SHTN1: variants seen among roughly 807,000 people sequenced by gnomAD.
The protein encoded by SHTN1 is shootin-1.
A neutral mutation model predicts 83.1 loss-of-function variants in SHTN1; 42 were observed. That is an observed-to-expected ratio of 0.51 (90% CI 0.39 to 0.65). The LOEUF (loss-of-function observed/expected upper bound fraction) is 0.65, where lower values mean the gene tolerates loss of function less well. SHTN1 is among the 30% of genes least tolerant of loss of function. The pLI, the probability that SHTN1 is intolerant of heterozygous loss-of-function variation, is 0.00. For missense variants in SHTN1, 622 were observed against 737.8 expected, an observed-to-expected ratio of 0.84 and a Z score of 1.82; for synonymous variants, 224 against 247.7, an observed-to-expected ratio of 0.90 and a Z score of 0.90.
At chr10:117,065,128 A>C (rs948897713) in intron 1 of SHTN1, among the ~76,000 whole-genome samples, 1 of 152,106 alleles carries the variant, frequency 6.6e-6, no homozygotes, top group Non-Finnish European at 1.5e-5. Context: ...GACACAGGGA[A>C]GGGAACATCA....
At chr10:117,082,798 CTTT>C (rs1394396361) in intron 1 of SHTN1, among the ~76,000 whole-genome samples, 3 of 151,886 alleles carry the variant, frequency 2.0e-5, no homozygotes, top group African/African-American at 7.2e-5. Context: ...TAATGGCCTT[CTTT>C]GTCTCTTTTG....
intron 1 of SHTN1, among the ~76,000 whole-genome samples, chr10:117,057,195 G>A (rs1026943499): frequency 6.6e-6 from 1 of 152,182 alleles, no homozygotes; most frequent in Admixed American, 6.5e-5. Flanking sequence ...GATCAACTCT[G>A]GAGTCTATTG....
chr10:117,115,520 T>C (rs935218401), intron 1 of SHTN1, among the ~76,000 whole-genome samples: 10 of 152,220 alleles, frequency 6.6e-5, no homozygotes, highest in East Asian at 1.9e-4. Flanking sequence ...CAAAGTTATC[T>C]TAAAATTCCC....
intron 1 of SHTN1, among the ~76,000 whole-genome samples, chr10:117,125,828 A>G (rs978154827): frequency 3.9e-5 from 6 of 152,162 alleles, no homozygotes; most frequent in Admixed American, 2.0e-4. Context: ...TAGGACAGAA[A>G]ACTGAATTTG....
intron 1 of SHTN1, among the ~76,000 whole-genome samples, chr10:117,119,097 C>T (rs1853889373): frequency 6.6e-6 from 1 of 152,156 alleles, no homozygotes; most frequent in Non-Finnish European, 1.5e-5. Flanking sequence ...ACAAATATCA[C>T]ATGTTCTCAT....
At chr10:116,940,374 G>A in intron 9 of SHTN1, 92 bp downstream of exon 9, 1 of 1,300,568 alleles carries the variant, frequency 7.7e-7, no homozygotes. Context: ...GTAAATGACT[G>A]GACTGACTGC....
chr10:116,947,429 T>C (rs959306525), intron 7 of SHTN1, among the ~76,000 whole-genome samples: 1 of 152,188 alleles, frequency 6.6e-6, no homozygotes, highest in Non-Finnish European at 1.5e-5. Flanking sequence ...GTTTGCTGCG[T>C]AATGACATAG....
At chr10:116,970,101 C>T (rs1463215047) in intron 2 of SHTN1, among the ~76,000 whole-genome samples, 2 of 152,006 alleles carry the variant, frequency 1.3e-5, no homozygotes, top group African/African-American at 2.4e-5. Flanking sequence ...CAGATAAAAA[C>T]AATGAGATAG....
intron 11 of SHTN1, among the ~76,000 whole-genome samples, chr10:116,925,154 T>C (rs1848701886): frequency 6.6e-6 from 1 of 152,220 alleles, no homozygotes; most frequent in Admixed American, 6.5e-5. Context: ...AGATACTTGG[T>C]TAAACACTAT....
chr10:117,109,304 G>C (rs1853725563), intron 1 of SHTN1, among the ~76,000 whole-genome samples: 2 of 151,978 alleles, frequency 1.3e-5, no homozygotes, highest in South Asian at 4.1e-4. Flanking sequence ...GTTGTTGTAA[G>C]GATTAAGTGA....
intron 2 of SHTN1, among the ~76,000 whole-genome samples, chr10:117,035,789 T>C (rs1420751337): frequency 7.1e-6 from 1 of 139,944 alleles, no homozygotes. Flanking sequence ...CTACTAAAAA[T>C]ATAAAAATTA....
intron 5 of SHTN1, among the ~76,000 whole-genome samples, chr10:116,952,685 C>CA (rs1377524847): frequency 6.6e-6 from 1 of 152,144 alleles, no homozygotes; most frequent in Non-Finnish European, 1.5e-5. Flanking sequence ...TTCTGTCACT[C>CA]AAATGTTTGA....
chr10:117,112,805 G>A (rs1770842068), intron 1 of SHTN1, among the ~76,000 whole-genome samples: 1 of 152,170 alleles, frequency 6.6e-6, no homozygotes, highest in Admixed American at 6.5e-5. Context: ...TGGGTAACTA[G>A]ACGAAGAGCT....
intron 1 of SHTN1, among the ~76,000 whole-genome samples, chr10:117,116,235 A>C (rs1853844656): frequency 6.6e-6 from 1 of 152,056 alleles, no homozygotes. Context: ...TAGGAAACAC[A>C]ACAACTGAAA....
At chr10:116,973,755 A>T in intron 2 of SHTN1, 2 of 669,894 alleles carry the variant, frequency 3.0e-6, no homozygotes, top group Non-Finnish European at 4.6e-6. Context: ...GAAGAAGTTT[A>T]ATGCTACACC....
intron 10 of SHTN1, among the ~76,000 whole-genome samples, chr10:116,928,325 CT>C (rs1327773379): frequency 1.3e-5 from 2 of 152,148 alleles, no homozygotes; most frequent in Non-Finnish European, 2.9e-5. Flanking sequence ...CTCTCCCCTG[CT>C]TAATTTCCTT....
intron 1 of SHTN1, among the ~76,000 whole-genome samples, chr10:117,124,888 C>G (rs1427250350): frequency 6.6e-6 from 1 of 152,176 alleles, no homozygotes; most frequent in Non-Finnish European, 1.5e-5. Context: ...GAATTCAAAG[C>G]CCAAGTTTTC....
At chr10:116,966,963 T>C (rs1210002137) in intron 3 of SHTN1, among the ~76,000 whole-genome samples, 5 of 152,218 alleles carry the variant, frequency 3.3e-5, no homozygotes. Flanking sequence ...GTAATATCAA[T>C]AAGATTCCCC....
intron 1 of SHTN1, among the ~76,000 whole-genome samples, chr10:116,996,766 G>A (rs567922868): frequency 6.6e-6 from 1 of 152,196 alleles, no homozygotes; most frequent in East Asian, 1.9e-4. Context: ...AACTAACCTA[G>A]TCTCAGGACT....
Sources: allele counts gnomAD v4.1 joint callset (sites outside exome capture counted in the v4.1 genomes callset), GRCh38; gene constraint gnomAD v4.1.1; transcripts MANE v1.5; gene names NCBI Gene and HGNC (gene_info 2026-07-23, HGNC 2026-07-21).